PPM1B: variants seen among roughly 807,000 people sequenced by gnomAD.
The protein encoded by PPM1B is protein phosphatase, Mg2+/Mn2+ dependent 1B.
A neutral mutation model predicts 43.0 loss-of-function variants in PPM1B; 22 were observed. The ratio of observed to expected loss-of-function variants is 0.51; its 90% CI spans 0.37 to 0.73. The LOEUF (loss-of-function observed/expected upper bound fraction) is 0.73, where lower values mean the gene tolerates loss of function less well. Ranked by LOEUF, PPM1B falls within the 30% of genes least tolerant of loss-of-function variation. PPM1B has a pLI of 0.00. For synonymous variants in PPM1B, 217 were observed against 197.9 expected (o/e 1.10, Z -0.81); for missense variants, 632 against 584.2 (o/e 1.08, Z -0.84).
chr2:44,176,727 G>A (rs1667599624), intron 1 of PPM1B, among the ~76,000 whole-genome samples: 1 of 152,124 alleles, frequency 6.6e-6, no homozygotes, highest in Non-Finnish European at 1.5e-5. Flanking sequence ...TTAATGCTTG[G>A]TGGTCTTGTG....
intron 1 of PPM1B, among the ~76,000 whole-genome samples, chr2:44,191,765 C>T (rs376816211): frequency 2.6e-5 from 4 of 152,290 alleles, no homozygotes; most frequent in African/African-American, 9.6e-5. Flanking sequence ...TACCAAATAT[C>T]ACTCTGGAGA....
chr2:44,172,452 A>G (rs180955894), intron 1 of PPM1B, among the ~76,000 whole-genome samples: 76 of 152,352 alleles, frequency 5.0e-4, no homozygotes, highest in African/African-American at 1.8e-3. Flanking sequence ...ACTGATCATC[A>G]GCTTCTAGTG....
chr2:44,245,113 A>C (rs950211697), downstream of PPM1B, among the ~76,000 whole-genome samples: 9 of 151,828 alleles, frequency 5.9e-5, no homozygotes, highest in Non-Finnish European at 1.0e-4. Flanking sequence ...TCACACCAAA[A>C]ACACACACAC....
chr2:44,215,847 G>A (rs1472486869), intron 3 of PPM1B, among the ~76,000 whole-genome samples: 1 of 152,090 alleles, frequency 6.6e-6, no homozygotes, highest in Non-Finnish European at 1.5e-5. Flanking sequence ...GAGCAACAAG[G>A]AATATTGGTT....
exon 6 of PPM1B, chr2:44,244,236 C>T (rs1670809245): frequency 1.1e-5 from 15 of 1,328,644 alleles, no homozygotes; most frequent in African/African-American, 1.5e-5. Flanking sequence ...AGATGGCAGT[C>T]TTGGGCACGT....
intron 5 of PPM1B, among the ~76,000 whole-genome samples, chr2:44,223,885 T>G (rs1670093229): frequency 6.6e-6 from 1 of 151,438 alleles, no homozygotes; most frequent in Non-Finnish European, 1.5e-5. Flanking sequence ...GTCACTATGT[T>G]TTTAAGGTAT....
chr2:44,204,410 A>G (rs1669072596), intron 2 of PPM1B, among the ~76,000 whole-genome samples: 1 of 152,190 alleles, frequency 6.6e-6, no homozygotes, highest in Non-Finnish European at 1.5e-5. Flanking sequence ...TGTTTCCCTG[A>G]TAAGAGATTT....
intron 5 of PPM1B, 87 bp downstream of exon 5, chr2:44,218,624 TAATA>T (rs1335698588): frequency 6.6e-6 from 6 of 905,560 alleles, no homozygotes; most frequent in Admixed American, 2.7e-5. Flanking sequence ...ACGAAGTCTA[TAATA>T]AATTATAGTC....
chr2:44,211,899 G>A (rs1469142575), intron 3 of PPM1B, among the ~76,000 whole-genome samples: 1 of 151,916 alleles, frequency 6.6e-6, no homozygotes, highest in African/African-American at 2.4e-5. Context: ...ACAGGCATGT[G>A]CCACCACACC....
chr2:44,203,710 G>A (rs75138602), intron 2 of PPM1B, among the ~76,000 whole-genome samples: 20,597 of 151,990 alleles, frequency 0.14, 1,720 homozygotes, highest in South Asian at 0.24. Flanking sequence ...AGATCTCCAT[G>A]CCTATAAGTA....
chr2:44,189,829 A>G (rs1405771864), intron 1 of PPM1B, among the ~76,000 whole-genome samples: 1 of 151,986 alleles, frequency 6.6e-6, no homozygotes, highest in Non-Finnish European at 1.5e-5. Context: ...TGATATCTCT[A>G]CCCATTGATG....
In PPM1B at chr2:44,201,119, A is replaced by G. The variant is rs1456308194; in HGVS notation, c.-14-67A>G. On this transcript the variant is annotated intron_variant, in intron 1 of 5. Transcript: ENST00000282412. The surrounding 1 kb of genome is among the most constrained non-coding windows in gnomAD (Gnocchi z 5.4). ...CTTGAGGTAGGAGTTACTAGACTAT[A>G]GAGGGAATATTGTACATACATTTTC... is the stretch of plus-strand genomic sequence containing the variant. The G allele has an allele frequency of 7.0e-7, 1 of 1,433,016 alleles. No individual in the cohort carries two copies. The highest frequency in any genetic ancestry group is 2.3e-5 in the East Asian group (1 of 43,460). The allele number at this position is 1,433,016 out of a possible 1,614,324, so 88.8% of individuals were successfully genotyped here. A position where few individuals can be genotyped will look rare whatever the true frequency, so the allele number is the denominator to read the frequency against.
At chr2:44,223,807 CTCTG>C (rs1050886444) in intron 5 of PPM1B, among the ~76,000 whole-genome samples, 1 of 87,404 alleles carries the variant, frequency 1.1e-5, no homozygotes, top group Non-Finnish European at 2.0e-5. Flanking sequence ...CAGAGTGGGA[CTCTG>C]TCTAAAAAAA....
downstream of PPM1B, chr2:44,233,901 A>G (rs950456399): frequency 3.0e-6 from 3 of 985,460 alleles, no homozygotes; most frequent in Non-Finnish European, 3.6e-6. Context: ...GGGGGTTGTT[A>G]AAAGATAGGG....
chr2:44,191,985 A>G (rs1373721682), intron 1 of PPM1B, among the ~76,000 whole-genome samples: 4 of 151,532 alleles, frequency 2.6e-5, no homozygotes, highest in Non-Finnish European at 5.9e-5. Context: ...TTCTTTCTCT[A>G]ATAGCTGTTA....
At chr2:44,217,355 C>T (rs542209288) in intron 3 of PPM1B, among the ~76,000 whole-genome samples, 43 of 150,760 alleles carry the variant, frequency 2.9e-4, no homozygotes, top group Admixed American at 9.9e-4. Flanking sequence ...GCCAAGATCA[C>T]GCCATTGCAC....
Position 44,201,630 on chromosome 2 carries a change from T to G in PPM1B, c.431T>G (p.Ile144Ser). The change falls in exon 2 of 6, where the codon ATC (isoleucine) becomes AGC (serine). Residue 144 changes from isoleucine (I) to serine (S), a missense_variant. Around this residue, in one of 3 missense-constraint regions of PPM1B, gnomAD observed 200 missense variants for 200.7 expected, o/e 1.00. Coordinates refer to ENST00000282412, the MANE Select transcript of PPM1B (RefSeq NM_002706.6). The surrounding 1 kb of genome is among the most constrained non-coding windows in gnomAD (Gnocchi z 5.4). ...GGAGTTATGATTTCACCTAAGCATA[T>G]CTACTTTATCAACTGTGGTGATTCA... Reference protein sequence around the residue: ...AVGVMISPKHIYFINCGDSRA... With the variant: ...AVGVMISPKHSYFINCGDSRA... The G allele has an allele frequency of 6.2e-7, 1 of 1,614,168 alleles. No individual in the cohort carries two copies. The highest frequency in any genetic ancestry group is 8.5e-7 in the Non-Finnish European group (1 of 1,180,012).
intron 3 of PPM1B, among the ~76,000 whole-genome samples, chr2:44,211,975 T>C (rs910837898): frequency 6.6e-6 from 1 of 152,046 alleles, no homozygotes; most frequent in Non-Finnish European, 1.5e-5. Context: ...TCTCGAACTT[T>C]CTGACCTCAG....
intron 5 of PPM1B, among the ~76,000 whole-genome samples, chr2:44,221,226 T>A (rs371243011): frequency 1.3e-5 from 2 of 152,216 alleles, no homozygotes; most frequent in Non-Finnish European, 2.9e-5. Context: ...AAAGGAACTT[T>A]CCTTGTTTAC....
Sources: allele counts gnomAD v4.1 joint callset (sites outside exome capture counted in the v4.1 genomes callset), GRCh38; gene constraint gnomAD v4.1.1; regional missense constraint gnomAD v4.1.1; non-coding constraint Gnocchi (gnomAD v3.1); transcripts MANE v1.5; gene names NCBI Gene and HGNC (gene_info 2026-07-23, HGNC 2026-07-21).